CNTNAP2: variants seen among roughly 807,000 people sequenced by gnomAD.
CNTNAP2 encodes the protein contactin associated protein 2, also known as contactin-associated protein-like 2.
A neutral mutation model predicts 155.2 loss-of-function variants in CNTNAP2; 98 were observed. The ratio of observed to expected loss-of-function variants is 0.63; its 90% CI spans 0.54 to 0.75. The LOEUF (loss-of-function observed/expected upper bound fraction) is 0.75. Ranked by LOEUF, CNTNAP2 falls within the 30% of genes least tolerant of loss-of-function variation. The probability of loss-of-function intolerance (pLI) is 0.00; values close to 1 mark genes in which losing one functional copy is unlikely to be tolerated. For missense variants in CNTNAP2, 1,727 were observed against 1,688.1 expected (o/e 1.02, Z -0.40); for synonymous variants, 651 against 631.2 (o/e 1.03, Z -0.47).
chr7:148,183,029 T>G (rs1795062759), intron 18 of CNTNAP2, among the ~76,000 whole-genome samples: 1 of 152,184 alleles, frequency 6.6e-6, no homozygotes, highest in Non-Finnish European at 1.5e-5. Flanking sequence ...TTAATAATAA[T>G]TTTATTCCTT....
chr7:146,943,522 G>A (rs1014268436), intron 3 of CNTNAP2, among the ~76,000 whole-genome samples: 1 of 152,070 alleles, frequency 6.6e-6, no homozygotes, highest in Admixed American at 6.6e-5. Flanking sequence ...GAAAAAGAGA[G>A]ATAGAGAAAA....
chr7:146,116,826 A>T lies in CNTNAP2; in HGVS notation c.-51A>T. The T allele has an allele frequency of 7.1e-7, 1 of 1,416,888 alleles. No individual in the cohort carries two copies. The highest frequency in any genetic ancestry group is 2.0e-5 in the Admixed American group (1 of 50,050). 87.8% of individuals were successfully genotyped at this position (1,416,888 alleles called of 1,614,324 possible). On this transcript the variant is annotated 5_prime_UTR_variant, in exon 1 of 24. Transcript: ENST00000361727. This position sits in a 1 kb window ranked among gnomAD's most constrained non-coding sequence, Gnocchi z 5.5. ...CTTCAAGAACCCTACGGAGAGTCGG[A>T]CTGCATCTCCGCAGCGAGCTCTTGG...
intron 1 of CNTNAP2, among the ~76,000 whole-genome samples, chr7:146,469,235 C>G (rs1163838698): frequency 2.0e-5 from 3 of 152,018 alleles, no homozygotes; most frequent in Non-Finnish European, 4.4e-5. Flanking sequence ...CACAGCAACC[C>G]TTCTCCTTCT....
intron 18 of CNTNAP2, among the ~76,000 whole-genome samples, chr7:148,181,653 C>T (rs80068121): frequency 0.035 from 5,283 of 150,852 alleles, 148 homozygotes; most frequent in Middle Eastern, 0.076. Flanking sequence ...GCAAGTCCTC[C>T]GTAAACTGTT....
intron 1 of CNTNAP2, among the ~76,000 whole-genome samples, chr7:146,444,971 C>A (rs1796381593): frequency 6.6e-6 from 1 of 151,890 alleles, no homozygotes; most frequent in Admixed American, 6.6e-5. Context: ...AGCCACCACG[C>A]CCAGCCCATG....
chr7:146,443,897 A>G (rs755142607), intron 1 of CNTNAP2, among the ~76,000 whole-genome samples: 2 of 152,162 alleles, frequency 1.3e-5, no homozygotes, highest in African/African-American at 2.4e-5. Flanking sequence ...ACATAAGTAT[A>G]GCCTGTGAAT....
rs550030190 is a variant in CNTNAP2, at chr7:147,407,408, C to T, written c.1670+11628C>T. Among the ~76,000 whole-genome samples the T allele has an allele frequency of 3.1e-3, 408 of 131,858 alleles. 3 individuals carry two copies. The highest frequency in any genetic ancestry group is 0.011 in the African/African-American group (393 of 36,508). The allele number at this position is 131,858 out of a possible 152,430, so 86.5% of individuals were successfully genotyped here. The stretch of plus-strand genomic sequence containing the variant: ...GCGTGAACCCGGGAGGTGGAGGTTG[C>T]AGTGAGCCGAGATCATGCCACTGCA... On this transcript the variant is annotated intron_variant, in intron 10 of 23. Transcript: ENST00000361727.
intron 2 of CNTNAP2, among the ~76,000 whole-genome samples, chr7:146,793,129 T>G (rs1241830638): frequency 1.3e-5 from 2 of 152,214 alleles, no homozygotes; most frequent in East Asian, 1.9e-4. Context: ...TTTTAAAATC[T>G]GGTGTGTATG....
intron 1 of CNTNAP2, among the ~76,000 whole-genome samples, chr7:146,505,723 G>A (rs1797374421): frequency 1.3e-5 from 2 of 152,202 alleles, no homozygotes; most frequent in African/African-American, 2.4e-5. Flanking sequence ...TTGTTCCCCT[G>A]CCTTTACAGA....
At chr7:147,562,967 T>G (rs553909199) in intron 12 of CNTNAP2, among the ~76,000 whole-genome samples, 1 of 152,292 alleles carries the variant, frequency 6.6e-6, no homozygotes, top group South Asian at 2.1e-4. Flanking sequence ...CAGCATTTGA[T>G]GTGAACTCCT....
At chr7:146,292,801 C>T (rs1256883448) in intron 1 of CNTNAP2, among the ~76,000 whole-genome samples, 7 of 152,002 alleles carry the variant, frequency 4.6e-5, no homozygotes, top group Non-Finnish European at 7.4e-5. Flanking sequence ...TATACTCTCA[C>T]GTATATGTGG....
At chr7:146,591,159 C>T (rs116662074) in intron 1 of CNTNAP2, among the ~76,000 whole-genome samples, 1 of 152,224 alleles carries the variant, frequency 6.6e-6, no homozygotes, top group African/African-American at 2.4e-5. Context: ...TACCTTCAGG[C>T]TGTGTGTATA....
At chr7:146,744,830 A>C (rs1373160633) in intron 1 of CNTNAP2, among the ~76,000 whole-genome samples, 2 of 152,198 alleles carry the variant, frequency 1.3e-5, no homozygotes, top group Non-Finnish European at 2.9e-5. Flanking sequence ...AAAAAACACA[A>C]AGCTTAAGTT....
Position 147,311,847 on chromosome 7 carries a change from A to G in CNTNAP2, c.1498+11557A>G, listed in dbSNP as rs568413740. On this transcript the variant is annotated intron_variant, in intron 9 of 23. Coordinates refer to ENST00000361727, the MANE Select transcript of CNTNAP2 (RefSeq NM_014141.6). ...TCAAGTAATATTCTTATATGTACAG[A>G]AACAAACAGAATGGGATCCCGTGCC... is the stretch of plus-strand genomic sequence containing the variant. Among the ~76,000 whole-genome samples, 40 of 152,312 alleles carry G rather than the reference A, an allele frequency of 2.6e-4. No individual in the cohort carries two copies. The East Asian group carries it at 7.1e-3, about 27-fold the overall frequency.
chr7:147,239,955 G>A (rs1338276242), intron 8 of CNTNAP2, among the ~76,000 whole-genome samples: 1 of 152,092 alleles, frequency 6.6e-6, no homozygotes, highest in Non-Finnish European at 1.5e-5. Flanking sequence ...TTGGTAACAT[G>A]GATGAATTAT....
chr7:147,714,075 G>T (rs1001067118), intron 13 of CNTNAP2, among the ~76,000 whole-genome samples: 1 of 152,064 alleles, frequency 6.6e-6, no homozygotes, highest in African/African-American at 2.4e-5. Context: ...GCTGTAGTAA[G>T]TGCTTTATAT....
intron 3 of CNTNAP2, among the ~76,000 whole-genome samples, chr7:146,950,158 C>A (rs1797278897): frequency 6.6e-6 from 1 of 152,062 alleles, no homozygotes; most frequent in Admixed American, 6.6e-5. Context: ...CATCTAACAA[C>A]TTTCTGAAAT....
intron 1 of CNTNAP2, among the ~76,000 whole-genome samples, chr7:146,252,597 G>T (rs1482177420): frequency 6.6e-6 from 1 of 152,170 alleles, no homozygotes; most frequent in South Asian, 2.1e-4. Context: ...CAGGAAAAAA[G>T]GAAGAGTCTG....
chr7:147,902,846 G>A (rs1799895325), intron 13 of CNTNAP2, among the ~76,000 whole-genome samples: 1 of 125,440 alleles, frequency 8.0e-6, no homozygotes, highest in African/African-American at 3.0e-5. Context: ...GTGTGTGTAT[G>A]AGAAACAGTT....
Sources: gnomAD v4.1 joint callset for allele counts (sites outside exome capture counted in the v4.1 genomes callset) on GRCh38, gnomAD v4.1.1 for gene constraint, Gnocchi (gnomAD v3.1) non-coding constraint, MANE v1.5 for transcripts, NCBI Gene and HGNC (gene_info 2026-07-23, HGNC 2026-07-21) for gene names.